Variants in SUGCT observed in about 807,000 individuals in gnomAD.
SUGCT encodes the protein succinyl-CoA:glutarate CoA-transferase.
A neutral mutation model predicts 55.0 loss-of-function variants in SUGCT; 41 were observed. The observed-to-expected ratio is 0.74, with a 90% CI of 0.58 to 0.97. SUGCT has a LOEUF of 0.97. Ranked by LOEUF, SUGCT falls within the 50% of genes least tolerant of loss-of-function variation. SUGCT has a pLI of 0.00. For missense variants in SUGCT, 568 were observed against 547.8 expected (o/e 1.04, Z -0.37); for synonymous variants, 187 against 200.4 (o/e 0.93, Z 0.56).
At chr7:40,285,311 G>T (rs1382611478) in intron 8 of SUGCT, among the ~76,000 whole-genome samples, 4 of 152,002 alleles carry the variant, frequency 2.6e-5, no homozygotes, top group Non-Finnish European at 5.9e-5. Flanking sequence ...TGAATTTAAT[G>T]GACTATTCCT....
intron 7 of SUGCT, among the ~76,000 whole-genome samples, chr7:40,268,595 A>C (rs758756794): frequency 6.6e-6 from 1 of 152,134 alleles, no homozygotes; most frequent in African/African-American, 2.4e-5. Flanking sequence ...TAATGCTGCT[A>C]TAAAAATTTG....
intron 1 of SUGCT, among the ~76,000 whole-genome samples, chr7:40,163,635 T>C (rs574281840): frequency 5.3e-4 from 80 of 151,318 alleles, no homozygotes; most frequent in Non-Finnish European, 8.3e-4. Flanking sequence ...GGTTATTATA[T>C]AATATCTAGC....
chr7:41,011,363 A>G, the SUGCT span, among the ~76,000 whole-genome samples: 1 of 152,232 alleles, frequency 6.6e-6, no homozygotes, highest in Non-Finnish European at 1.5e-5. Context: ...AGTAGAAGAC[A>G]AAAGGGAAGT....
chr7:40,404,103 T>G (rs1314208035), intron 9 of SUGCT, among the ~76,000 whole-genome samples: 1 of 152,124 alleles, frequency 6.6e-6, no homozygotes. Context: ...ACAGGTCACT[T>G]AGGAATGGAA....
At chr7:40,879,371 A>G in the SUGCT span, among the ~76,000 whole-genome samples, 1 of 152,158 alleles carries the variant, frequency 6.6e-6, no homozygotes, top group African/African-American at 2.4e-5. Flanking sequence ...TGTTTTCTAG[A>G]CGTATTCAGA....
chr7:40,367,384 T>A (rs1784048426), intron 9 of SUGCT, among the ~76,000 whole-genome samples: 1 of 151,426 alleles, frequency 6.6e-6, no homozygotes, highest in Admixed American at 6.6e-5. Flanking sequence ...ACCTGCACAT[T>A]TTGCACCTAT....
intron 9 of SUGCT, among the ~76,000 whole-genome samples, chr7:40,426,565 C>G (rs916708214): frequency 6.6e-6 from 1 of 152,146 alleles, no homozygotes. Context: ...CGTTTAAGAA[C>G]TTGGTTACTT....
chr7:40,578,866 T>C (rs1312099099), intron 12 of SUGCT, among the ~76,000 whole-genome samples: 1 of 152,244 alleles, frequency 6.6e-6, no homozygotes, highest in African/African-American at 2.4e-5. Flanking sequence ...CATTTAATTC[T>C]GTTTATTTTT....
At position 40,443,259 on chromosome 7, in the gene SUGCT, A is replaced by T. The variant is rs370027646; in HGVS notation, c.817-6028A>T. Among the ~76,000 whole-genome samples the T allele has an allele frequency of 2.0e-5, 3 of 152,250 alleles. No homozygotes were observed. In the East Asian group the frequency reaches 5.8e-4, roughly 29 times the overall value. ...ACCCAGTAATGGGATGGCTGGGTCA[A>T]ATGGTATTTCTAGTTTGAGATCCCT... On this transcript the variant is annotated intron_variant, in intron 9 of 13. Transcript: ENST00000335693.
chr7:40,404,254 C>T (rs1033888442), intron 9 of SUGCT, among the ~76,000 whole-genome samples: 8 of 152,214 alleles, frequency 5.3e-5, no homozygotes, highest in East Asian at 3.9e-4. Flanking sequence ...AAATTAGAGC[C>T]GATGAAGTTT....
At chr7:40,478,772 G>A (rs1046392647) in intron 11 of SUGCT, among the ~76,000 whole-genome samples, 2 of 152,126 alleles carry the variant, frequency 1.3e-5, no homozygotes, top group East Asian at 1.9e-4. Flanking sequence ...TCTCCAGAAC[G>A]TATTTGTCCT....
intron 9 of SUGCT, among the ~76,000 whole-genome samples, chr7:40,320,909 A>G (rs1325545922): frequency 6.6e-6 from 1 of 152,122 alleles, no homozygotes; most frequent in Admixed American, 6.6e-5. Context: ...TGTCGTATCC[A>G]ATAGGTACTT....
chr7:40,602,333 G>C (rs1031959059), intron 12 of SUGCT, among the ~76,000 whole-genome samples: 5 of 152,130 alleles, frequency 3.3e-5, no homozygotes, highest in African/African-American at 1.2e-4. Flanking sequence ...TTTAATGAAG[G>C]GATCTGTCGG....
intron 9 of SUGCT, among the ~76,000 whole-genome samples, chr7:40,443,774 GT>G (rs934225293): frequency 2.6e-5 from 4 of 152,114 alleles, no homozygotes; most frequent in Admixed American, 2.6e-4. Flanking sequence ...TGCTTTTAAT[GT>G]TTTAGTCATG....
the SUGCT span, among the ~76,000 whole-genome samples, chr7:40,868,577 T>C: frequency 3.3e-5 from 5 of 152,166 alleles, no homozygotes; most frequent in Admixed American, 3.3e-4. Context: ...GGTGAGCGCT[T>C]GCTCTGTCAT....
chr7:40,961,814 G>C, the SUGCT span, among the ~76,000 whole-genome samples: 1 of 152,110 alleles, frequency 6.6e-6, no homozygotes, highest in African/African-American at 2.4e-5. Context: ...AGCTCTTAAA[G>C]GTGGCGCATC....
intron 6 of SUGCT, among the ~76,000 whole-genome samples, chr7:40,198,685 A>G (rs1562570711): frequency 7.9e-6 from 1 of 125,990 alleles, no homozygotes; most frequent in Non-Finnish European, 1.6e-5. Flanking sequence ...ACATGACAAA[A>G]CCCCCGTCTC....
chr7:40,363,274 CATTA>C (rs1375233579), intron 9 of SUGCT, among the ~76,000 whole-genome samples: 2 of 151,978 alleles, frequency 1.3e-5, no homozygotes, highest in East Asian at 3.9e-4. Flanking sequence ...CTCCTGGATT[CATTA>C]ATTTTTTGAA....
intron 12 of SUGCT, among the ~76,000 whole-genome samples, chr7:40,505,319 T>C (rs936244064): frequency 9.2e-5 from 14 of 152,136 alleles, no homozygotes; most frequent in African/African-American, 3.1e-4. Flanking sequence ...TGAAAATATC[T>C]ACCTTTTGAT....
Sources: allele counts gnomAD v4.1 joint callset (sites outside exome capture counted in the v4.1 genomes callset), GRCh38; gene constraint gnomAD v4.1.1; transcripts MANE v1.5; gene names NCBI Gene and HGNC (gene_info 2026-07-23, HGNC 2026-07-21).